NSUN3: variants seen among roughly 807,000 people sequenced by gnomAD.
NSUN3 encodes NOP2/Sun RNA methyltransferase 3, also known as tRNA (cytosine(34)-C(5))-methyltransferase, mitochondrial.
NSUN3 carries 24 observed loss-of-function variants against 36.8 expected under a neutral mutation model. The observed-to-expected ratio is 0.65, with a 90% CI of 0.47 to 0.92. The LOEUF is 0.92. Among genes scored for constraint, NSUN3 ranks in the 40% least tolerant of loss-of-function variants. The pLI is 0.00. For missense variants in NSUN3, 381 were observed against 392.8 expected (o/e 0.97, Z 0.25); for synonymous variants, 146 against 145.2 (o/e 1.01, Z -0.04).
At chr3:94,065,414 C>T (rs1203646796) in intron 2 of NSUN3, among the ~76,000 whole-genome samples, 1 of 152,110 alleles carries the variant, frequency 6.6e-6, no homozygotes, top group Non-Finnish European at 1.5e-5. Context: ...AGAAGGTGCA[C>T]TGTTCATGAA....
Position 94,094,144 on chromosome 3 carries a change from T to A in NSUN3, c.471T>A (p.Tyr157Ter). Reference protein sequence around the residue: ...IALLQCACPGYLHCNEYDSLR... With the variant: ...IALLQCACPG ...TTTTTAATCCTTTTTATTTAGGTTA[T>A]CTTCATTGTAATGAATATGATAGTC... Residue 157 changes from tyrosine (Y) to a stop codon, truncating the protein, a stop_gained, in exon 4 of 6, where the codon TAT becomes TAA. Transcript: ENST00000314622. LOFTEE classifies it high-confidence loss of function. 1.8e-5 allele frequency: 29 copies of A among 1,594,388 alleles called. No homozygotes were observed. Among genetic ancestry groups the A allele is most frequent in the Non-Finnish European group, 2.5e-5 (29 of 1,172,894 alleles).
At chr3:94,077,056 A>G (rs766031993) in intron 2 of NSUN3, 4 of 795,802 alleles carry the variant, frequency 5.0e-6, no homozygotes, top group Non-Finnish European at 6.9e-6. Context: ...GGGCCACTCC[A>G]GAGCCTGCGT....
intron 5 of NSUN3, among the ~76,000 whole-genome samples, chr3:94,104,660 A>G (rs2077378632): frequency 6.6e-6 from 1 of 152,246 alleles, no homozygotes; most frequent in South Asian, 2.1e-4. Flanking sequence ...CAACAGTTAT[A>G]TATACAGTGG....
chr3:94,079,916 A>G (rs2077260904), intron 2 of NSUN3, among the ~76,000 whole-genome samples: 1 of 152,002 alleles, frequency 6.6e-6, no homozygotes. Flanking sequence ...CCACCTTCTG[A>G]AGCCTACTTC....
intron 1 of NSUN3, 126 bp downstream of exon 1, chr3:94,063,264 G>T: frequency 2.1e-6 from 2 of 967,678 alleles, no homozygotes. Flanking sequence ...CGAGATCAGC[G>T]TTTCTTTGGC....
intron 2 of NSUN3, chr3:94,075,908 C>G: frequency 7.2e-7 from 1 of 1,382,302 alleles, no homozygotes; most frequent in Middle Eastern, 1.8e-4. Flanking sequence ...AAAGACGTAT[C>G]TAGGACCCTT....
chr3:94,103,164 G>A (rs1414975692), intron 5 of NSUN3, among the ~76,000 whole-genome samples: 1 of 152,056 alleles, frequency 6.6e-6, no homozygotes, highest in Non-Finnish European at 1.5e-5. Flanking sequence ...TGGGATTGCA[G>A]GCATGAGCCA....
At chr3:94,124,407 G>C (rs112674999) in intron 5 of NSUN3, among the ~76,000 whole-genome samples, 1 of 151,788 alleles carries the variant, frequency 6.6e-6, no homozygotes, top group Admixed American at 6.6e-5. Flanking sequence ...GATTACAGGC[G>C]TGAGCCACCG....
chr3:94,071,491 TA>T, intron 2 of NSUN3, among the ~76,000 whole-genome samples: 1 of 152,360 alleles, frequency 6.6e-6, no homozygotes, highest in East Asian at 1.9e-4. Context: ...ATCATTATGA[TA>T]TTTAGTTTCC....
intron 3 of NSUN3, among the ~76,000 whole-genome samples, chr3:94,088,984 C>A (rs1023871118): frequency 1.3e-5 from 2 of 152,174 alleles, no homozygotes; most frequent in Non-Finnish European, 2.9e-5. Flanking sequence ...TATTATTTAT[C>A]TTTGTGTCTG....
At chr3:94,076,141 A>G (rs1298655553) in intron 2 of NSUN3, 46 of 1,312,428 alleles carry the variant, frequency 3.5e-5, no homozygotes, top group Non-Finnish European at 4.9e-5. Context: ...CTCCAATTTT[A>G]CTTAAATCCT....
intron 5 of NSUN3, among the ~76,000 whole-genome samples, chr3:94,122,866 T>C (rs1327832132): frequency 1.3e-5 from 2 of 152,170 alleles, no homozygotes. Flanking sequence ...TCTGTAACAA[T>C]AGTAAGTTTG....
chr3:94,083,389 G>A (rs1216151684), intron 2 of NSUN3, among the ~76,000 whole-genome samples: 1 of 152,202 alleles, frequency 6.6e-6, no homozygotes, highest in East Asian at 1.9e-4. Context: ...CCCAGATACA[G>A]AATATTCTTG....
chr3:94,126,040 A>G (rs1190759847), intron 5 of NSUN3, among the ~76,000 whole-genome samples, 171 bp from the exon 6 acceptor site: 1 of 151,992 alleles, frequency 6.6e-6, no homozygotes, highest in Non-Finnish European at 1.5e-5. Context: ...AGCCTGGGTG[A>G]CAAAGTTAGA....
chr3:94,074,330 A>G (rs1270084926), intron 2 of NSUN3, among the ~76,000 whole-genome samples: 1 of 152,118 alleles, frequency 6.6e-6, no homozygotes, highest in African/African-American at 2.4e-5. Flanking sequence ...TGTTTTTCCA[A>G]TTCTGTGAAG....
chr3:94,107,824 T>A (rs2077396621), intron 5 of NSUN3, among the ~76,000 whole-genome samples: 1 of 152,116 alleles, frequency 6.6e-6, no homozygotes, highest in African/African-American at 2.4e-5. Flanking sequence ...TTCTACTCAA[T>A]CAGAAATGAG....
At chr3:94,089,770 G>T (rs2077307154) in intron 3 of NSUN3, among the ~76,000 whole-genome samples, 1 of 152,156 alleles carries the variant, frequency 6.6e-6, no homozygotes, top group Non-Finnish European at 1.5e-5. Flanking sequence ...TCTTCCAAGT[G>T]AACTGTCCTT....
chr3:94,069,598 A>G (rs1395892034), intron 2 of NSUN3, among the ~76,000 whole-genome samples: 2 of 152,234 alleles, frequency 1.3e-5, no homozygotes, highest in Non-Finnish European at 2.9e-5. Flanking sequence ...GTAGTAGGAA[A>G]AAAGAATAAA....
intron 1 of NSUN3, among the ~76,000 whole-genome samples, chr3:94,063,550 G>C (rs919086058): frequency 6.6e-6 from 1 of 151,860 alleles, no homozygotes; most frequent in Non-Finnish European, 1.5e-5. Context: ...TTAAAATAAC[G>C]TTGCAAAGAT....
Sources: gnomAD v4.1 joint callset for allele counts (sites outside exome capture counted in the v4.1 genomes callset) on GRCh38, gnomAD v4.1.1 for gene constraint, MANE v1.5 for transcripts, NCBI Gene and HGNC (gene_info 2026-07-23, HGNC 2026-07-21) for gene names.